The following PDE1C variants were observed in gnomAD, a reference collection of about 807,000 sequenced individuals.
PDE1C encodes phosphodiesterase 1C, also known as dual specificity calcium/calmodulin-dependent 3',5'-cyclic nucleotide phosphodiesterase 1C.
PDE1C carries 62 observed loss-of-function variants against 93.1 expected under a neutral mutation model. The observed-to-expected ratio is 0.67, with a 90% CI of 0.54 to 0.82. The LOEUF (loss-of-function observed/expected upper bound fraction) is 0.82. Ranked by LOEUF, PDE1C falls within the 40% of genes least tolerant of loss-of-function variation. The pLI is 0.00. For missense variants in PDE1C, 742 were observed against 884.6 expected, an observed-to-expected ratio of 0.84 and a Z score of 2.04; for synonymous variants, 325 against 310.1, an observed-to-expected ratio of 1.05 and a Z score of -0.50.
the PDE1C span, among the ~76,000 whole-genome samples, chr7:31,717,589 C>T: frequency 1.3e-5 from 2 of 152,062 alleles, no homozygotes; most frequent in African/African-American, 4.8e-5. Context: ...AGCTAGGAAG[C>T]TAACCAATCA....
intron 3 of PDE1C, among the ~76,000 whole-genome samples, chr7:32,154,298 AATAAGT>A (rs1242864781): frequency 2.0e-5 from 3 of 152,156 alleles, no homozygotes; most frequent in African/African-American, 7.2e-5. Context: ...TAAATAAATA[AATAAGT>A]ATAATTAATG....
intron 2 of PDE1C, among the ~76,000 whole-genome samples, chr7:32,025,726 A>G (rs959226049): frequency 6.6e-6 from 1 of 152,130 alleles, no homozygotes; most frequent in African/African-American, 2.4e-5. Flanking sequence ...CATGCCCATA[A>G]TTACTTACTG....
intron 3 of PDE1C, among the ~76,000 whole-genome samples, chr7:32,127,836 G>A (rs139491669): frequency 4.6e-5 from 7 of 151,968 alleles, no homozygotes; most frequent in East Asian, 3.9e-4. Context: ...TAATTTCAAC[G>A]GGACTTTTTA....
chr7:31,680,582 A>G, the PDE1C span, among the ~76,000 whole-genome samples: 1 of 152,232 alleles, frequency 6.6e-6, no homozygotes, highest in Non-Finnish European at 1.5e-5. Flanking sequence ...AGCATTAGCC[A>G]GAATATAGTT....
At chr7:31,755,710 G>A (rs79563215) in intron 17 of PDE1C, among the ~76,000 whole-genome samples, 3,463 of 152,140 alleles carry the variant, frequency 0.023, 138 homozygotes, top group African/African-American at 0.079. Flanking sequence ...ATTTTAACCC[G>A]AAGTATAAAA....
At chr7:32,138,353 G>C (rs973798140) in intron 3 of PDE1C, among the ~76,000 whole-genome samples, 5 of 152,082 alleles carry the variant, frequency 3.3e-5, no homozygotes, top group Non-Finnish European at 5.9e-5. Flanking sequence ...ATGTGAAAGG[G>C]ATATTCCAAT....
intron 3 of PDE1C, among the ~76,000 whole-genome samples, chr7:32,164,561 T>C (rs1013824593): frequency 5.3e-5 from 8 of 152,218 alleles, no homozygotes; most frequent in Admixed American, 2.6e-4. Flanking sequence ...TGGGTGACTT[T>C]GGGCAAGCTG....
At chr7:32,021,598 T>G (rs533934258) in intron 2 of PDE1C, among the ~76,000 whole-genome samples, 1 of 150,606 alleles carries the variant, frequency 6.6e-6, no homozygotes, top group Non-Finnish European at 1.5e-5. Flanking sequence ...TTTAAAATAG[T>G]TTTTTTATAA....
intron 1 of PDE1C, among the ~76,000 whole-genome samples, chr7:32,427,359 G>T (rs1785555924): frequency 6.6e-6 from 1 of 152,104 alleles, no homozygotes; most frequent in Non-Finnish European, 1.5e-5. Context: ...AATCGTGTGT[G>T]CTCTTTTCAC....
the PDE1C span, among the ~76,000 whole-genome samples, chr7:31,652,267 T>G: frequency 6.6e-6 from 1 of 152,188 alleles, no homozygotes; most frequent in Non-Finnish European, 1.5e-5. Context: ...CATACCAATC[T>G]TCCCCTTGCC....
the PDE1C span, among the ~76,000 whole-genome samples, chr7:31,622,750 C>T: frequency 6.6e-6 from 1 of 152,012 alleles, no homozygotes; most frequent in Non-Finnish European, 1.5e-5. Context: ...CAAGAAATAA[C>T]TAAAATCAGA....
rs186953220 is a variant in PDE1C at position 32,048,982 on chromosome 7, A to G, written c.128+2572T>C. On this transcript the variant is annotated intron_variant, in intron 2 of 17. Coordinates refer to ENST00000396191, the MANE Select transcript of PDE1C (RefSeq NM_001191057.4). ...TTGACATTGTAATTTGAACCTTGAC[A>G]GGTTTGAGCAGCTCTCTTGTAAAAC... Among the ~76,000 whole-genome samples, 18 of 152,322 alleles carry G rather than the reference A, an allele frequency of 1.2e-4. 1 individual carries two copies. The highest frequency in any genetic ancestry group is 6.8e-3 in the Middle Eastern group (2 of 294).
chr7:32,208,499 C>CAA (rs71559213), intron 2 of PDE1C, among the ~76,000 whole-genome samples: 1 of 141,522 alleles, frequency 7.1e-6, no homozygotes, highest in African/African-American at 2.6e-5. Flanking sequence ...TTTAGGAAGG[C>CAA]AAAAAAAAAA....
chr7:32,397,743 CGGT>C (rs1249098271), intron 1 of PDE1C, among the ~76,000 whole-genome samples: 1 of 152,044 alleles, frequency 6.6e-6, no homozygotes, highest in Non-Finnish European at 1.5e-5. Flanking sequence ...GGGTCAGGCA[CGGT>C]GGCTCACGCC....
intron 12 of PDE1C, among the ~76,000 whole-genome samples, chr7:31,825,753 G>A (rs962295325): frequency 6.6e-6 from 1 of 152,116 alleles, no homozygotes; most frequent in African/African-American, 2.4e-5. Flanking sequence ...AGCAGGCACA[G>A]ATACCTGCAC....
chr7:31,923,319 G>A (rs143748325), intron 2 of PDE1C, among the ~76,000 whole-genome samples: 65 of 152,286 alleles, frequency 4.3e-4, no homozygotes, highest in African/African-American at 1.5e-3. Flanking sequence ...TTTAAAGACT[G>A]TGGGTGCCCA....
In PDE1C at chr7:32,366,547, G is replaced by A. The variant is rs372408408; in HGVS notation, c.310+61275C>T. 2.6e-5 allele frequency among the ~76,000 whole-genome samples: 4 copies of A among 152,210 alleles called. No homozygotes were observed. The East Asian group carries it at 7.7e-4, about 29-fold the overall frequency. On this transcript the variant is annotated intron_variant, in intron 1 of 1. Transcript: ENST00000672256. ...ACCTCCCAGGCCTTGGGAGAGAGAT[G>A]GACATTTAAGTCCAGGAAGATCAAA...
At chr7:31,997,324 T>A (rs60029113) in intron 2 of PDE1C, among the ~76,000 whole-genome samples, 2 of 152,182 alleles carry the variant, frequency 1.3e-5, no homozygotes, top group African/African-American at 4.8e-5. Flanking sequence ...GTAAAGGATC[T>A]TACACAGTAT....
chr7:31,720,573 A>C, the PDE1C span, among the ~76,000 whole-genome samples: 1 of 152,104 alleles, frequency 6.6e-6, no homozygotes, highest in Admixed American at 6.6e-5. Context: ...GCGACTCCTC[A>C]CTCTGAGCAG....
Sources: allele counts gnomAD v4.1 joint callset (sites outside exome capture counted in the v4.1 genomes callset), GRCh38; gene constraint gnomAD v4.1.1; transcripts MANE v1.5; gene names NCBI Gene and HGNC (gene_info 2026-07-23, HGNC 2026-07-21).